The following RNASEH2B variants were observed in gnomAD, a reference collection of about 807,000 sequenced individuals.
The protein encoded by RNASEH2B is ribonuclease H2 subunit B.
RNASEH2B carries 36 observed loss-of-function variants against 45.0 expected under a neutral mutation model. That is an observed-to-expected ratio of 0.80 (90% CI 0.61 to 1.06). The LOEUF is 1.06. Among genes scored for constraint, RNASEH2B ranks in the 50% least tolerant of loss-of-function variants. The pLI is 0.00. For synonymous variants in RNASEH2B, 119 were observed against 125.7 expected (o/e 0.95, Z 0.35); for missense variants, 361 against 360.3 (o/e 1.00, Z -0.02).
At chr13:50,945,919 C>T (rs1160298156) in intron 7 of RNASEH2B, among the ~76,000 whole-genome samples, 1 of 152,162 alleles carries the variant, frequency 6.6e-6, no homozygotes, top group Non-Finnish European at 1.5e-5. Flanking sequence ...CAAAGTCTCA[C>T]AACTAGTAAA....
intron 10 of RNASEH2B, chr13:50,955,931 T>C (rs1189287119): frequency 2.3e-5 from 4 of 175,150 alleles, no homozygotes; most frequent in Admixed American, 2.2e-4. Flanking sequence ...GGGTTGTCCT[T>C]GGTTTCCCAT....
chr13:50,965,059 T>C (rs952353567), intron 9 of RNASEH2B, among the ~76,000 whole-genome samples: 2 of 152,246 alleles, frequency 1.3e-5, no homozygotes, highest in African/African-American at 2.4e-5. Flanking sequence ...GTTTGATTGA[T>C]GGCAGACTGC....
chr13:50,934,100 C>T (rs1951715125), intron 4 of RNASEH2B: 1 of 152,256 alleles, frequency 6.6e-6, no homozygotes, highest in Admixed American at 6.5e-5. Flanking sequence ...CAAGGCCATA[C>T]ATCTGGTACA....
In RNASEH2B at chr13:50,945,405, T is replaced by G. The variant is rs368771959; in HGVS notation, c.511-22T>G. 3.9e-6 allele frequency: 6 copies of G among 1,527,884 alleles called. No individual in the cohort carries two copies. In the African/African-American group the frequency reaches 8.2e-5, roughly 21 times the overall value. 94.6% of individuals were successfully genotyped at this position (1,527,884 alleles called of 1,614,324 possible). A position where few individuals can be genotyped will look rare whatever the true frequency, so the allele number is the denominator to read the frequency against. On this transcript the variant is annotated intron_variant, in intron 6 of 10. Transcript: ENST00000336617. ...AGTTAAGTTGAAAATACCCTGCCTT[T>G]CCCCTCTTGGTTGCTTCATAGGTTA...
intron 1 of RNASEH2B, among the ~76,000 whole-genome samples, chr13:50,922,897 A>G (rs779841976): frequency 4.1e-4 from 62 of 152,240 alleles, no homozygotes; most frequent in Non-Finnish European, 2.4e-4. Flanking sequence ...TACTATCAAC[A>G]TAGTCAAAGA....
At chr13:50,969,796 C>G in intron 9 of RNASEH2B, 1 of 778,220 alleles carries the variant, frequency 1.3e-6, no homozygotes, top group Non-Finnish European at 2.1e-6. Context: ...CTCTTAGAAG[C>G]GAAAATGCTC....
intron 9 of RNASEH2B, among the ~76,000 whole-genome samples, chr13:50,968,239 A>T (rs9526711): frequency 0.24 from 37,038 of 151,762 alleles, 5,018 homozygotes; most frequent in African/African-American, 0.37. Flanking sequence ...CTACAAAAAA[A>T]AAAATAAAAA....
intron 9 of RNASEH2B, among the ~76,000 whole-genome samples, chr13:50,969,120 G>A (rs988532944): frequency 4.6e-5 from 7 of 152,170 alleles, no homozygotes; most frequent in African/African-American, 1.7e-4. Context: ...CAACATGGCA[G>A]GCAAAAATAA....
chr13:50,915,107 T>C (rs9535528), intron 1 of RNASEH2B, among the ~76,000 whole-genome samples: 31,620 of 152,180 alleles, frequency 0.21, 4,284 homozygotes, highest in Non-Finnish European at 0.3. Context: ...CTCATAAGCT[T>C]TCTTACACCT....
chr13:50,912,963 T>G (rs1482617703), intron 1 of RNASEH2B: 1 of 152,250 alleles, frequency 6.6e-6, no homozygotes, highest in Admixed American at 6.5e-5. Flanking sequence ...AGGATATATT[T>G]AAATGTTTGA....
intron 2 of RNASEH2B, among the ~76,000 whole-genome samples, chr13:50,928,932 C>CT (rs35147830): frequency 0.23 from 20,398 of 87,770 alleles, 2,124 homozygotes; most frequent in Non-Finnish European, 0.3. Context: ...TGCCTCCTCC[C>CT]TTTTTTTTTT....
chr13:50,956,792 CTT>C, downstream of RNASEH2B: 3 of 1,008,148 alleles, frequency 3.0e-6, no homozygotes, highest in Non-Finnish European at 3.6e-6. Flanking sequence ...TTTAATGCAA[CTT>C]TGCATTCAGT....
chr13:50,912,288 A>AG (rs1879458355), intron 1 of RNASEH2B: 3 of 152,314 alleles, frequency 2.0e-5, no homozygotes, highest in Admixed American at 1.3e-4. Flanking sequence ...TGAGGGCATC[A>AG]TTTACCTGGG....
chr13:50,925,573 C>G (rs772087428), intron 1 of RNASEH2B, among the ~76,000 whole-genome samples: 12 of 152,156 alleles, frequency 7.9e-5, no homozygotes, highest in Non-Finnish European at 1.6e-4. Flanking sequence ...TGACTCTTCC[C>G]TACTACTAAG....
chr13:50,969,843 C>A, intron 9 of RNASEH2B: 1 of 1,318,380 alleles, frequency 7.6e-7, no homozygotes, highest in South Asian at 1.3e-5. Flanking sequence ...GCCCTGCGTT[C>A]TGTTCTAGGA....
At chr13:50,960,808 T>A (rs1378784104), downstream of RNASEH2B, among the ~76,000 whole-genome samples, 2 of 152,248 alleles carry the variant, frequency 1.3e-5, no homozygotes, top group Non-Finnish European at 1.5e-5. Context: ...TTTCCATTTT[T>A]TCCAATGTTC....
At chr13:50,918,294 T>C (rs1460488895) in intron 1 of RNASEH2B, among the ~76,000 whole-genome samples, 4 of 152,072 alleles carry the variant, frequency 2.6e-5, no homozygotes, top group Non-Finnish European at 5.9e-5. Context: ...CCCGCCACCA[T>C]GCCCAGCTAA....
chr13:50,912,086 T>C (rs946747963), intron 1 of RNASEH2B: 3 of 152,218 alleles, frequency 2.0e-5, no homozygotes, highest in African/African-American at 7.2e-5. Context: ...TTTTAAGGCA[T>C]TGGGGGAGGC....
intron 5 of RNASEH2B, chr13:50,938,617 A>T (rs960567100): frequency 6.6e-6 from 1 of 152,124 alleles, no homozygotes; most frequent in South Asian, 2.1e-4. Flanking sequence ...TTCGATTCTC[A>T]TAAGGAGCAC....
Sources: gnomAD v4.1 joint callset for allele counts (sites outside exome capture counted in the v4.1 genomes callset) on GRCh38, gnomAD v4.1.1 for gene constraint, MANE v1.5 for transcripts, NCBI Gene and HGNC (gene_info 2026-07-23, HGNC 2026-07-21) for gene names.